ABCA12: variants seen among roughly 807,000 people sequenced by gnomAD.
ABCA12 encodes glucosylceramide transporter ABCA12.
ABCA12 carries 156 observed loss-of-function variants against 293.5 expected under a neutral mutation model. That is an observed-to-expected ratio of 0.53 (90% CI 0.47 to 0.61). The LOEUF is 0.61. Ranked by LOEUF, ABCA12 falls within the 20% of genes least tolerant of loss-of-function variation. ABCA12 has a pLI of 0.00. For synonymous variants in ABCA12, 1,063 were observed against 1,108.0 expected, an observed-to-expected ratio of 0.96 and a Z score of 0.81; for missense variants, 2,797 against 3,090.2, an observed-to-expected ratio of 0.91 and a Z score of 2.25.
intron 26 of ABCA12, among the ~76,000 whole-genome samples, chr2:214,988,659 T>G: frequency 6.6e-6 from 1 of 152,176 alleles, no homozygotes; most frequent in East Asian, 1.9e-4. Context: ...CTCCTTAGAA[T>G]TAGGAGATTT....
intron 7 of ABCA12, among the ~76,000 whole-genome samples, chr2:215,043,624 T>C (rs532697956): frequency 6.6e-6 from 1 of 152,244 alleles, no homozygotes; most frequent in South Asian, 2.1e-4. Context: ...CATTGAGGTA[T>C]AATTTAAATA....
chr2:215,081,489 AAAAG>A (rs1434026776), intron 2 of ABCA12, among the ~76,000 whole-genome samples: 2 of 98,816 alleles, frequency 2.0e-5, no homozygotes, highest in African/African-American at 9.6e-5. Context: ...AAAAAAAAAA[AAAAG>A]AAAAAGAAAA....
rs3050135 is a variant in ABCA12, at chr2:215,087,487, C to CGTGTGTGTGTGTGT, written c.164-23282_164-23269dup. ...CTTACCTAAATGTGCATACAGGCTT[C>CGTGTGTGTGTGTGT]GTGTGTGTGTGTGTGTGTGTGCATG... On this transcript the variant is annotated intron_variant, in intron 2 of 52. Coordinates refer to ENST00000272895, the MANE Select transcript of ABCA12 (RefSeq NM_173076.3). 1.7e-3 allele frequency among the ~76,000 whole-genome samples: 259 copies of CGTGTGTGTGTGTGT among 149,628 alleles called. 1 individual carries two copies. The highest frequency in any genetic ancestry group is 6.1e-3 in the African/African-American group (248 of 40,804).
chr2:215,065,735 C>T (rs778433063), intron 2 of ABCA12, among the ~76,000 whole-genome samples: 9 of 151,984 alleles, frequency 5.9e-5, no homozygotes, highest in Non-Finnish European at 1.3e-4. Context: ...GATTTTAGCT[C>T]GCTGAGACCA....
chr2:215,112,497 G>GGTT (rs1553546992), intron 1 of ABCA12, among the ~76,000 whole-genome samples: 1 of 125,610 alleles, frequency 8.0e-6, no homozygotes, highest in African/African-American at 2.8e-5. Context: ...TTTTTTTTTT[G>GGTT]TTTTTTTTTG....
rs199864110 is a variant in ABCA12, at chr2:214,951,212, A to ATT, written c.6648-130_6648-129insAA. The stretch of plus-strand genomic sequence containing the variant: ...TCATTAGACTTCTTTTACATTTGTA[A>ATT]TGAATTATGCTACTCAGATAACTTA... On this transcript the variant is annotated intron_variant, in intron 44 of 52. Transcript: ENST00000272895. 7,064 of 834,840 alleles carry ATT rather than the reference A, an allele frequency of 8.5e-3. 357 individuals carry two copies. In the African/African-American group the frequency reaches 0.11, roughly 12 times the overall value. The allele number at this position is 834,840 out of a possible 1,614,324, so 51.7% of individuals were successfully genotyped here.
intron 1 of ABCA12, among the ~76,000 whole-genome samples, chr2:215,116,544 C>T (rs1221137665): frequency 6.6e-6 from 1 of 152,002 alleles, no homozygotes; most frequent in East Asian, 1.9e-4. Flanking sequence ...CAGCCTGTGG[C>T]TGTATTTAAA....
chr2:214,967,008 G>C, intron 38 of ABCA12, 55 bp from the exon 39 acceptor site: 1 of 1,336,734 alleles, frequency 7.5e-7, no homozygotes, highest in Non-Finnish European at 1.1e-6. Flanking sequence ...AAATTAGGCT[G>C]TCTTAACATC....
chr2:215,092,094 C>T (rs1702159478), intron 2 of ABCA12, among the ~76,000 whole-genome samples: 1 of 152,216 alleles, frequency 6.6e-6, no homozygotes, highest in African/African-American at 2.4e-5. Context: ...TCAGAAGCCT[C>T]CTGGACCATC....
At chr2:215,092,305 T>C (rs1702164358) in intron 2 of ABCA12, among the ~76,000 whole-genome samples, 1 of 152,152 alleles carries the variant, frequency 6.6e-6, no homozygotes, top group South Asian at 2.1e-4. Context: ...TATTCTCTTA[T>C]GCACTCCTTT....
At chr2:214,946,871 A>ATTTCT (rs1698598316) in intron 48 of ABCA12, among the ~76,000 whole-genome samples, 1 of 152,036 alleles carries the variant, frequency 6.6e-6, no homozygotes, top group Non-Finnish European at 1.5e-5. Flanking sequence ...TGTGGAATGC[A>ATTTCT]TTTCTTCCCC....
At chr2:215,021,738 TAAGA>T (rs1335631965) in intron 11 of ABCA12, among the ~76,000 whole-genome samples, 10 of 151,990 alleles carry the variant, frequency 6.6e-5, no homozygotes, top group Admixed American at 2.6e-4. Context: ...TATTATCAAA[TAAGA>T]AAGGCACAAT....
At chr2:215,017,111 C>T (rs560983101) in intron 14 of ABCA12, among the ~76,000 whole-genome samples, 1 of 152,082 alleles carries the variant, frequency 6.6e-6, no homozygotes, top group Non-Finnish European at 1.5e-5. Context: ...ATGGGGGAAC[C>T]AATTAAAATG....
rs530254265 is a variant in ABCA12, at chr2:215,137,203, A to G, written c.69+937T>C. Reference sequence around the variant, plus strand: ...TTCCTCCTCTTACTACACACATCAAAACACTCAAGTAAAGTGTCAGGCAAT... The same window carrying G: ...TTCCTCCTCTTACTACACACATCAAGACACTCAAGTAAAGTGTCAGGCAAT... On this transcript the variant is annotated intron_variant, in intron 1 of 52. Coordinates refer to ENST00000272895, the MANE Select transcript of ABCA12 (RefSeq NM_173076.3). Among the ~76,000 whole-genome samples, 23 of 152,276 alleles carry G rather than the reference A, an allele frequency of 1.5e-4. No homozygotes were observed. In the East Asian group the frequency reaches 4.2e-3, roughly 28 times the overall value.
intron 1 of ABCA12, among the ~76,000 whole-genome samples, chr2:215,125,200 C>G (rs959904168): frequency 3.3e-5 from 5 of 152,144 alleles, no homozygotes; most frequent in Admixed American, 3.3e-4. Flanking sequence ...GTTTTGGTGA[C>G]TATGGCCTTA....
At chr2:215,119,668 C>CCTGTGCCATG (rs1022229495) in intron 1 of ABCA12, among the ~76,000 whole-genome samples, 27 of 150,648 alleles carry the variant, frequency 1.8e-4, no homozygotes, top group Non-Finnish European at 1.8e-4. Flanking sequence ...GTTATATGCA[C>CCTGTGCCATG]CTGTTTTTGG....
intron 44 of ABCA12, among the ~76,000 whole-genome samples, chr2:214,952,063 A>C (rs80122652): frequency 0.016 from 2,499 of 152,170 alleles, 49 homozygotes; most frequent in East Asian, 0.087. Flanking sequence ...ATACCAAAAA[A>C]AAAAAAAATT....
In ABCA12 at chr2:215,136,971, A is replaced by T. The variant is rs1703243089; in HGVS notation, c.69+1169T>A. ...ACATGACCACATCCACACACCCAGG[A>T]TCCTTTCCCTGCTTATGCCACACAG... On this transcript the variant is annotated intron_variant, in intron 1 of 52. Coordinates refer to ENST00000272895, the MANE Select transcript of ABCA12 (RefSeq NM_173076.3). Among the ~76,000 whole-genome samples the T allele has an allele frequency of 2.0e-5, 3 of 152,100 alleles. 1 individual carries two copies. The highest frequency in any genetic ancestry group is 7.2e-5 in the African/African-American group (3 of 41,502).
In ABCA12 at chr2:215,045,933, T is replaced by A. The variant is rs374932417; in HGVS notation, c.776A>T (p.Gln259Leu). 4.3e-6 allele frequency: 7 copies of A among 1,613,644 alleles called. No individual in the cohort carries two copies. In the African/African-American group the frequency reaches 9.3e-5, roughly 22 times the overall value. Reference protein sequence around the residue: ...MLSFFSQVQEQKAVWQLLSSF... With the variant: ...MLSFFSQVQELKAVWQLLSSF... The stretch of plus-strand genomic sequence containing the variant: ...AGACAGAAGCTGCCACACAGCTTTC[T>A]GCTCTTGCACTTGTGAGAAGAAAGA... Residue 259 changes from glutamine (Q) to leucine (L), a missense_variant, in exon 7 of 53, where the codon CAG (glutamine) becomes CTG (leucine). Coordinates refer to ENST00000272895, the MANE Select transcript of ABCA12 (RefSeq NM_173076.3).
Sources: allele counts gnomAD v4.1 joint callset (sites outside exome capture counted in the v4.1 genomes callset), GRCh38; gene constraint gnomAD v4.1.1; transcripts MANE v1.5; gene names NCBI Gene and HGNC (gene_info 2026-07-23, HGNC 2026-07-21).